GTF2A1L: variants seen among roughly 807,000 people sequenced by gnomAD.
GTF2A1L encodes the protein TFIIA-alpha and beta-like factor.
Under a neutral mutation model 49.7 loss-of-function variants are expected in GTF2A1L, and 48 were observed. The ratio of observed to expected loss-of-function variants is 0.97; its 90% CI spans 0.77 to 1.23. The LOEUF (loss-of-function observed/expected upper bound fraction) is 1.23, where lower values mean the gene tolerates loss of function less well. Ranked by LOEUF, GTF2A1L falls within the 50% of genes most tolerant of loss-of-function variation. The probability of loss-of-function intolerance (pLI) is 0.00; values close to 1 mark genes in which losing one functional copy is unlikely to be tolerated. For synonymous variants in GTF2A1L, 246 were observed against 193.5 expected (o/e 1.27, Z -2.25); for missense variants, 736 against 564.8 (o/e 1.30, Z -3.07).
chr2:48,650,332 A>G (rs114000712), intron 6 of GTF2A1L, among the ~76,000 whole-genome samples: 3,147 of 152,290 alleles, frequency 0.021, 124 homozygotes, highest in African/African-American at 0.072. Context: ...GGTCTACCCT[A>G]AGAGATTAAA....
rs1020099820 is a variant in GTF2A1L at position 48,671,658 on chromosome 2, T to C, written c.1307T>C (p.Val436Ala). The change falls in exon 8 of 9, where the codon GTT (valine) becomes GCT (alanine). Residue 436 changes from valine to alanine, a missense_variant. Val to Ala is a moderately conservative substitution (Grantham distance 64). Coordinates refer to ENST00000403751, the MANE Select transcript of GTF2A1L (RefSeq NM_006872.5). ...CCAGACCTGTTTGACACGGATAATG[T>C]TATTGTCTGTCAGTATGATAAGGTA... ...DVPDLFDTDN[V>A]IVCQYDKIHR... 110 of 1,613,548 alleles carry C rather than the reference T, an allele frequency of 6.8e-5. No individual in the cohort carries two copies. The highest frequency in any genetic ancestry group is 8.7e-5 in the Non-Finnish European group (103 of 1,179,706).
chr2:48,665,916 G>A (rs1678816000), intron 6 of GTF2A1L, among the ~76,000 whole-genome samples: 1 of 151,988 alleles, frequency 6.6e-6, no homozygotes, highest in Non-Finnish European at 1.5e-5. Flanking sequence ...GTCTTCACCT[G>A]TAATTTTAGA....
chr2:48,635,137 T>G (rs781076885), intron 3 of GTF2A1L, among the ~76,000 whole-genome samples: 2 of 152,030 alleles, frequency 1.3e-5, no homozygotes, highest in Non-Finnish European at 2.9e-5. Flanking sequence ...TGCATCAAGA[T>G]CTCTGCATAG....
chr2:48,656,124 A>G (rs1052025553), intron 6 of GTF2A1L, among the ~76,000 whole-genome samples: 1 of 152,128 alleles, frequency 6.6e-6, no homozygotes, highest in Non-Finnish European at 1.5e-5. Context: ...GCTATTGTGA[A>G]TAATGCTGCT....
chr2:48,618,997 GCA>G (rs1675820786), intron 1 of GTF2A1L, among the ~76,000 whole-genome samples: 1 of 152,144 alleles, frequency 6.6e-6, no homozygotes, highest in African/African-American at 2.4e-5. Context: ...TACCACTGAA[GCA>G]TCAATTTAGT....
At chr2:48,671,532 A>T in intron 7 of GTF2A1L, 59 bp from the exon 8 acceptor site, 1 of 1,543,022 alleles carries the variant, frequency 6.5e-7, no homozygotes, top group Non-Finnish European at 8.8e-7. Context: ...ATGTCTCTTT[A>T]TCTTTAAACA....
chr2:48,672,870 T>G (rs961913656), intron 8 of GTF2A1L, among the ~76,000 whole-genome samples: 1 of 152,178 alleles, frequency 6.6e-6, no homozygotes, highest in Non-Finnish European at 1.5e-5. Flanking sequence ...ATTATCACAG[T>G]CAATTTTAGA....
At chr2:48,648,965 G>A (rs1352393152) in intron 6 of GTF2A1L, among the ~76,000 whole-genome samples, 1 of 152,130 alleles carries the variant, frequency 6.6e-6, no homozygotes, top group Non-Finnish European at 1.5e-5. Flanking sequence ...CTTAAAGCAA[G>A]TTATAATCAA....
At chr2:48,625,731 C>T (rs898021357) in intron 3 of GTF2A1L, among the ~76,000 whole-genome samples, 1 of 142,866 alleles carries the variant, frequency 7.0e-6, no homozygotes. Context: ...TACAGGCATA[C>T]TCTATCATGC....
intron 3 of GTF2A1L, chr2:48,632,620 A>C (rs1676646023): frequency 6.4e-6 from 1 of 155,270 alleles, no homozygotes; most frequent in Non-Finnish European, 1.4e-5. Flanking sequence ...CAACCTTGTG[A>C]TCCACCAGCC....
chr2:48,679,027 TTA>T (rs1245372637), intron 8 of GTF2A1L, among the ~76,000 whole-genome samples: 1 of 139,468 alleles, frequency 7.2e-6, no homozygotes, highest in African/African-American at 2.6e-5. Context: ...TCCTTCCCTA[TTA>T]AAATGTAAAC....
At position 48,648,011 on chromosome 2, in the gene GTF2A1L, C is replaced by T. The variant is rs535198529; in HGVS notation, c.978+969C>T. 5.9e-5 allele frequency among the ~76,000 whole-genome samples: 9 copies of T among 152,124 alleles called. No homozygotes were observed. In the South Asian group the frequency reaches 1.9e-3, roughly 32 times the overall value. On this transcript the variant is annotated intron_variant, in intron 6 of 8. Coordinates refer to ENST00000403751, the MANE Select transcript of GTF2A1L (RefSeq NM_006872.5). ...TGTAGCAATGGATAGTTAAGCACAA[C>T]CTTAATATTTTATCTTCATGATATT...
intron 6 of GTF2A1L, among the ~76,000 whole-genome samples, chr2:48,657,666 A>G (rs1231721882): frequency 6.6e-6 from 1 of 152,126 alleles, no homozygotes; most frequent in Non-Finnish European, 1.5e-5. Context: ...TCTTTGAGAA[A>G]TCTCCAAACT....
intron 8 of GTF2A1L, among the ~76,000 whole-genome samples, chr2:48,677,404 A>G (rs935810087): frequency 2.6e-5 from 4 of 151,996 alleles, no homozygotes; most frequent in African/African-American, 4.8e-5. Context: ...CTGTGAGGAT[A>G]TTAGAGTGTA....
chr2:48,663,643 T>C (rs1678645940), intron 6 of GTF2A1L, among the ~76,000 whole-genome samples: 1 of 152,204 alleles, frequency 6.6e-6, no homozygotes, highest in Admixed American at 6.5e-5. Flanking sequence ...AAAAATTTTT[T>C]TTATTTTTAT....
chr2:48,636,311 G>A (rs913118678), intron 3 of GTF2A1L, among the ~76,000 whole-genome samples: 5 of 152,002 alleles, frequency 3.3e-5, no homozygotes, highest in South Asian at 2.1e-4. Context: ...ATTTCATCTC[G>A]TAAAATATTA....
chr2:48,634,688 G>A (rs1267276513), intron 3 of GTF2A1L, among the ~76,000 whole-genome samples: 1 of 152,156 alleles, frequency 6.6e-6, no homozygotes, highest in African/African-American at 2.4e-5. Flanking sequence ...TTCTTGGTTG[G>A]AATTTCTTTT....
intron 5 of GTF2A1L, among the ~76,000 whole-genome samples, chr2:48,645,793 C>T (rs555296716): frequency 1.4e-4 from 21 of 152,086 alleles, no homozygotes; most frequent in Non-Finnish European, 2.5e-4. Context: ...GGACTACAGG[C>T]GCCGGCCACC....
chr2:48,677,583 G>A (rs1032378517), intron 8 of GTF2A1L, among the ~76,000 whole-genome samples: 11 of 151,922 alleles, frequency 7.2e-5, no homozygotes, highest in Admixed American at 1.3e-4. Context: ...GGAGAGTTTC[G>A]ACAAGAGAAA....
Sources: gnomAD v4.1 joint callset for allele counts (sites outside exome capture counted in the v4.1 genomes callset) on GRCh38, gnomAD v4.1.1 for gene constraint, MANE v1.5 for transcripts, NCBI Gene and HGNC (gene_info 2026-07-23, HGNC 2026-07-21) for gene names.